Variants in SCN2A observed in about 807,000 individuals in gnomAD.
SCN2A encodes the protein sodium voltage-gated channel alpha subunit 2, also known as sodium channel protein type 2 subunit alpha.
SCN2A carries 20 observed loss-of-function variants against 188.7 expected under a neutral mutation model. The observed-to-expected ratio is 0.11, with a 90% CI of 0.07 to 0.15. The LOEUF (loss-of-function observed/expected upper bound fraction) is 0.15, where lower values mean the gene tolerates loss of function less well. SCN2A is among the 10% of genes least tolerant of loss of function. The pLI, the probability that SCN2A is intolerant of heterozygous loss-of-function variation, is 1.00. For synonymous variants in SCN2A, 804 were observed against 833.1 expected, an observed-to-expected ratio of 0.97 and a Z score of 0.60; for missense variants, 1,278 against 2,445.0, an observed-to-expected ratio of 0.52 and a Z score of 10.07.
intron 1 of SCN2A, among the ~76,000 whole-genome samples, chr2:165,283,720 T>A (rs6741147): frequency 0.42 from 64,204 of 151,996 alleles, 13,959 homozygotes; most frequent in Non-Finnish European, 0.47. Context: ...TATATCATAT[T>A]TCCCTTCTTA....
chr2:165,379,368 T>C (rs940763378), intron 23 of SCN2A, among the ~76,000 whole-genome samples: 1 of 151,650 alleles, frequency 6.6e-6, no homozygotes, highest in African/African-American at 2.4e-5. Context: ...TTGACAAAAC[T>C]AAGCTTATTG....
At chr2:165,275,638 C>G (rs897383229) in intron 1 of SCN2A, among the ~76,000 whole-genome samples, 1 of 152,128 alleles carries the variant, frequency 6.6e-6, no homozygotes, top group Non-Finnish European at 1.5e-5. Context: ...TGGTTTCATT[C>G]ATTGTGCTTA....
rs933145678 is a variant in SCN2A, at chr2:165,375,442, C to T, written c.4254+476C>T. Among the ~76,000 whole-genome samples the T allele has an allele frequency of 9.9e-5, 15 of 151,542 alleles. No homozygotes were observed. In the South Asian group the frequency reaches 2.5e-3, roughly 25 times the overall value. On this transcript the variant is annotated intron_variant, in intron 22 of 26. Transcript: ENST00000375437. ...ACACACACGTATTTCTATATACACA[C>T]GTATAGATATACACTGTATATGTAT...
chr2:165,383,452 A>T (rs1387716123), intron 25 of SCN2A, among the ~76,000 whole-genome samples: 1 of 152,114 alleles, frequency 6.6e-6, no homozygotes, highest in Non-Finnish European at 1.5e-5. Flanking sequence ...CACTGAGAAT[A>T]AAGAGGTTAG....
intron 7 of SCN2A, 41 bp from the exon 8 acceptor site, chr2:165,311,984 A>G (rs1262037538): frequency 6.7e-7 from 1 of 1,483,872 alleles, no homozygotes; most frequent in Non-Finnish European, 9.4e-7. Context: ...AGTGTTTTAC[A>G]GGATTTTAAT....
intron 1 of SCN2A, among the ~76,000 whole-genome samples, chr2:165,244,511 A>G (rs1034188175): frequency 6.6e-6 from 1 of 151,820 alleles, no homozygotes; most frequent in Non-Finnish European, 1.5e-5. Flanking sequence ...TAATGAAAAA[A>G]TCTTATCATG....
At chr2:165,260,823 AGTTGGG>A (rs1327393161) in intron 1 of SCN2A, among the ~76,000 whole-genome samples, 2 of 151,784 alleles carry the variant, frequency 1.3e-5, no homozygotes, top group East Asian at 1.9e-4. Flanking sequence ...CAAAAAAATG[AGTTGGG>A]GGTGGTGGCA....
At chr2:165,246,876 C>T (rs1406928114) in intron 1 of SCN2A, among the ~76,000 whole-genome samples, 2 of 152,114 alleles carry the variant, frequency 1.3e-5, no homozygotes, top group Non-Finnish European at 2.9e-5. Context: ...GGTTCTTGTA[C>T]TTAGATTTCA....
At chr2:165,367,706 C>T (rs575018575) in intron 19 of SCN2A, among the ~76,000 whole-genome samples, 8 of 152,166 alleles carry the variant, frequency 5.3e-5, no homozygotes, top group East Asian at 1.9e-4. Flanking sequence ...GACTGAAGCA[C>T]GATATTTCCC....
intron 16 of SCN2A, among the ~76,000 whole-genome samples, chr2:165,352,648 G>A (rs951230271): frequency 1.3e-5 from 2 of 152,132 alleles, no homozygotes; most frequent in Admixed American, 6.5e-5. Flanking sequence ...CTGGCCTCCT[G>A]TAATGAATCG....
chr2:165,370,083 CTG>C, intron 19 of SCN2A, 41 bp from the exon 20 acceptor site: 2 of 1,539,214 alleles, frequency 1.3e-6, no homozygotes, highest in Non-Finnish European at 1.8e-6. Flanking sequence ...CAATTAGAGA[CTG>C]TTTCTGATCA....
intron 14 of SCN2A, among the ~76,000 whole-genome samples, chr2:165,337,975 G>A (rs1222966548): frequency 6.6e-6 from 1 of 151,968 alleles, no homozygotes; most frequent in Non-Finnish European, 1.5e-5. Context: ...TAAATAAATT[G>A]TAAATCACAG....
At chr2:165,370,395 A>T in intron 20 of SCN2A, 96 bp downstream of exon 20, 1 of 1,163,014 alleles carries the variant, frequency 8.6e-7, no homozygotes, top group Non-Finnish European at 1.3e-6. Flanking sequence ...GTAACACTGT[A>T]TCAGCCCAAA....
chr2:165,384,286 T>C (rs1380060666), intron 25 of SCN2A, among the ~76,000 whole-genome samples: 1 of 152,134 alleles, frequency 6.6e-6, no homozygotes, highest in Non-Finnish European at 1.5e-5. Context: ...TTTGGAATTA[T>C]CTTTGGAGCA....
chr2:165,247,910 C>T (rs565457418), intron 1 of SCN2A, among the ~76,000 whole-genome samples: 1 of 152,286 alleles, frequency 6.6e-6, no homozygotes, highest in South Asian at 2.1e-4. Context: ...TCCTCGCTTT[C>T]CCCACCTTAC....
At chr2:165,371,922 T>C (rs1445428243) in intron 20 of SCN2A, 2 of 152,184 alleles carry the variant, frequency 1.3e-5, no homozygotes, top group Non-Finnish European at 2.9e-5. Context: ...ATATGTATCT[T>C]CTTTTCCACA....
chr2:165,389,433 G>A lies in SCN2A; in HGVS notation c.5627G>A (p.Arg1876Gln), dbSNP rs1197385793. 1 of 1,613,838 alleles carries A rather than the reference G, an allele frequency of 6.2e-7. No homozygotes were observed. The highest frequency in any genetic ancestry group is 8.5e-7 in the Non-Finnish European group (1 of 1,179,962). ...GAGAGTGGAGAGATGGATGCCCTTCGAATACAGATGGAAGAGCGATTCATG... is the reference window on the plus strand; with the variant it reads ...GAGAGTGGAGAGATGGATGCCCTTCAAATACAGATGGAAGAGCGATTCATG... The part of the protein sequence containing the change: ...LGESGEMDAL[R>Q]IQMEERFMAS... The change falls in exon 27 of 27, where the codon CGA (arginine) becomes CAA (glutamine). Residue 1876 changes from arginine (R) to glutamine (Q), a missense_variant. Physicochemically the swap from Arg to Gln is conservative, Grantham distance 43. Around this residue, in one of 17 missense-constraint regions of SCN2A, gnomAD observed 54 missense variants for 135.4 expected, o/e 0.40. Coordinates refer to ENST00000375437, the MANE Select transcript of SCN2A (RefSeq NM_001040142.2). The surrounding 1 kb of genome is among the most constrained non-coding windows in gnomAD (Gnocchi z 4.2).
At chr2:165,357,150 G>A (rs1700220852) in intron 17 of SCN2A, among the ~76,000 whole-genome samples, 1 of 152,078 alleles carries the variant, frequency 6.6e-6, no homozygotes, top group Non-Finnish European at 1.5e-5. Flanking sequence ...CCGTGAAAGA[G>A]GTTATGTGTA....
At chr2:165,317,118 T>A (rs1374737599) in intron 11 of SCN2A, among the ~76,000 whole-genome samples, 1 of 152,114 alleles carries the variant, frequency 6.6e-6, no homozygotes, top group East Asian at 1.9e-4. Flanking sequence ...ATATATAAAT[T>A]TTTTTAGGTC....
Sources: allele counts gnomAD v4.1 joint callset (sites outside exome capture counted in the v4.1 genomes callset), GRCh38; gene constraint gnomAD v4.1.1; regional missense constraint gnomAD v4.1.1; non-coding constraint Gnocchi (gnomAD v3.1); transcripts MANE v1.5; gene names NCBI Gene and HGNC (gene_info 2026-07-23, HGNC 2026-07-21).